Variants in RALGPS2 observed in about 807,000 individuals in gnomAD.
RALGPS2 encodes the protein ras-specific guanine nucleotide-releasing factor RalGPS2.
In RALGPS2, 43 loss-of-function variants were observed where a neutral mutation model predicts 86.8. That is an observed-to-expected ratio of 0.50 (90% CI 0.39 to 0.64). The LOEUF (loss-of-function observed/expected upper bound fraction) is 0.64, where lower values mean the gene tolerates loss of function less well. RALGPS2 is among the 30% of genes least tolerant of loss of function. The pLI is 0.00. For missense variants in RALGPS2, 536 were observed against 694.6 expected (o/e 0.77, Z 2.57); for synonymous variants, 243 against 231.3 (o/e 1.05, Z -0.46).
intron 8 of RALGPS2, among the ~76,000 whole-genome samples, chr1:178,866,885 G>A (rs1364364198): frequency 2.0e-5 from 3 of 152,122 alleles, no homozygotes. Flanking sequence ...ACAGTTTCAA[G>A]AGCCAAGACT....
At chr1:178,798,635 G>A (rs946330768) in intron 4 of RALGPS2, among the ~76,000 whole-genome samples, 9 of 149,016 alleles carry the variant, frequency 6.0e-5, no homozygotes, top group East Asian at 2.0e-4. Context: ...ATTGTGTTTC[G>A]TTTTTTTTTT....
chr1:178,884,521 C>G (rs187653209), intron 11 of RALGPS2, among the ~76,000 whole-genome samples: 1 of 152,126 alleles, frequency 6.6e-6, no homozygotes, highest in East Asian at 1.9e-4. Flanking sequence ...AAGAATATTC[C>G]AAGCAGAAAA....
chr1:178,904,499 C>T (rs1379603415), intron 18 of RALGPS2, among the ~76,000 whole-genome samples: 2 of 152,078 alleles, frequency 1.3e-5, no homozygotes, highest in Non-Finnish European at 2.9e-5. Flanking sequence ...AGATTTAAGT[C>T]CTTAATTCAT....
At chr1:178,865,464 C>G (rs775467512) in intron 8 of RALGPS2, 12 of 1,613,948 alleles carry the variant, frequency 7.4e-6, no homozygotes, top group Admixed American at 1.7e-5. Flanking sequence ...ACATCCACCA[C>G]CAGTTGCAGA....
chr1:178,725,282 G>C lies in RALGPS2; in HGVS notation c.-221G>C, dbSNP rs1047696592. On this transcript the variant is annotated 5_prime_UTR_variant, in exon 1 of 20. Transcript: ENST00000367635. ...GAGCGGCAGCGGCGGCGGCGGCGGCGGCTGCTGCGGGCGCTGAATGAGAGA... is the reference window on the plus strand; with the variant it reads ...GAGCGGCAGCGGCGGCGGCGGCGGCCGCTGCTGCGGGCGCTGAATGAGAGA... The C allele has an allele frequency of 5.7e-6, 1 of 175,596 alleles. No homozygotes were observed. The highest frequency in any genetic ancestry group is 1.2e-5 in the Non-Finnish European group (1 of 85,992). The allele number at this position is 175,596 out of a possible 1,614,324, so 10.9% of individuals were successfully genotyped here.
At chr1:178,810,064 T>C (rs1196785158) in intron 5 of RALGPS2, among the ~76,000 whole-genome samples, 1 of 150,904 alleles carries the variant, frequency 6.6e-6, no homozygotes, top group Non-Finnish European at 1.5e-5. Flanking sequence ...TTGGGCAACA[T>C]ACTAAGACCT....
chr1:178,776,886 T>C, intron 2 of RALGPS2, 65 bp downstream of exon 2: 1 of 1,311,334 alleles, frequency 7.6e-7, no homozygotes, highest in East Asian at 2.4e-5. Context: ...TCAAGCATTA[T>C]GTTTGTTCAC....
intron 13 of RALGPS2, among the ~76,000 whole-genome samples, chr1:178,888,754 A>G (rs904078254): frequency 6.6e-6 from 1 of 152,136 alleles, no homozygotes; most frequent in Non-Finnish European, 1.5e-5. Context: ...GTAGAAGGGT[A>G]TTAATCCATC....
At chr1:178,812,960 T>G (rs553118769) in intron 6 of RALGPS2, among the ~76,000 whole-genome samples, 42 of 148,794 alleles carry the variant, frequency 2.8e-4, no homozygotes, top group Non-Finnish European at 5.2e-4. Context: ...GGAGGTGGTG[T>G]TGCGCTCTGT....
intron 1 of RALGPS2, among the ~76,000 whole-genome samples, chr1:178,752,109 C>T (rs1463260764): frequency 6.6e-6 from 1 of 151,028 alleles, no homozygotes; most frequent in Admixed American, 6.6e-5. Flanking sequence ...GTTTGATTTG[C>T]TAATCTCTAC....
At chr1:178,730,779 A>G (rs1650300695) in intron 1 of RALGPS2, among the ~76,000 whole-genome samples, 1 of 149,408 alleles carries the variant, frequency 6.7e-6, no homozygotes, top group Non-Finnish European at 1.5e-5. Context: ...TCGGCTCACC[A>G]CAACCTCTGC....
In RALGPS2 at chr1:178,885,193, G is replaced by C. The variant is rs1485512562; in HGVS notation, c.1022G>C (p.Cys341Ser). ...RNLIPHGHRKCHSLGYNFIHK... is the reference protein window; with the variant it reads ...RNLIPHGHRKSHSLGYNFIHK... Reference sequence around the variant, plus strand: ...CTGATTCCACATGGACATAGGAAGTGCCATAGTTTGGGTTATAAGTCAGCA... The same window carrying C: ...CTGATTCCACATGGACATAGGAAGTCCCATAGTTTGGGTTATAAGTCAGCA... Residue 341 changes from cysteine (C) to serine (S), a missense_variant, in exon 12 of 20, where the codon TGC (cysteine) becomes TCC (serine). Cys to Ser is a moderately radical substitution (Grantham distance 112). This residue lies in a region of RALGPS2 where 309 missense variants were observed against 363.0 expected (regional missense o/e 0.85). Coordinates refer to ENST00000367635, the MANE Select transcript of RALGPS2 (RefSeq NM_152663.5). The C allele has an allele frequency of 6.2e-7, 1 of 1,612,732 alleles. No homozygotes were observed. The highest frequency in any genetic ancestry group is 8.5e-7 in the Non-Finnish European group (1 of 1,179,652).
chr1:178,738,093 TGAA>T (rs1484902879), intron 1 of RALGPS2, among the ~76,000 whole-genome samples: 1 of 151,966 alleles, frequency 6.6e-6, no homozygotes, highest in Admixed American at 6.6e-5. Context: ...TAATGATTTT[TGAA>T]CAAGTAGTGA....
intron 4 of RALGPS2, among the ~76,000 whole-genome samples, chr1:178,786,848 C>T (rs938524336): frequency 1.8e-4 from 28 of 151,762 alleles, no homozygotes; most frequent in Non-Finnish European, 8.8e-5. Flanking sequence ...CCATTTATGT[C>T]CTACATGATG....
At chr1:178,860,835 A>G (rs1050630956) in intron 8 of RALGPS2, among the ~76,000 whole-genome samples, 6 of 152,198 alleles carry the variant, frequency 3.9e-5, no homozygotes, top group Non-Finnish European at 8.8e-5. Flanking sequence ...CAGAGCATAC[A>G]TAAGTACACC....
intron 12 of RALGPS2, chr1:178,885,448 A>T: frequency 2.3e-6 from 1 of 429,296 alleles, no homozygotes; most frequent in Non-Finnish European, 4.1e-6. Flanking sequence ...ATAAATGAAC[A>T]TTACAGAGGG....
At chr1:178,864,290 A>G (rs930620858) in intron 8 of RALGPS2, among the ~76,000 whole-genome samples, 2 of 152,148 alleles carry the variant, frequency 1.3e-5, no homozygotes, top group African/African-American at 4.8e-5. Context: ...TTTTTTTATA[A>G]TAATGAACAT....
chr1:178,762,587 T>G (rs1162203335), intron 1 of RALGPS2, among the ~76,000 whole-genome samples: 1 of 152,254 alleles, frequency 6.6e-6, no homozygotes, highest in Non-Finnish European at 1.5e-5. Context: ...GGTTTTGATT[T>G]GCACTTCTCT....
At chr1:178,855,737 C>T (rs180734197) in intron 8 of RALGPS2, among the ~76,000 whole-genome samples, 1 of 151,732 alleles carries the variant, frequency 6.6e-6, no homozygotes, top group East Asian at 1.9e-4. Flanking sequence ...AAATTATTGT[C>T]CTTTCAGTTC....
Sources: allele counts gnomAD v4.1 joint callset (sites outside exome capture counted in the v4.1 genomes callset), GRCh38; gene constraint gnomAD v4.1.1; regional missense constraint gnomAD v4.1.1; transcripts MANE v1.5; gene names NCBI Gene and HGNC (gene_info 2026-07-23, HGNC 2026-07-21).